The following NACC2 variants were observed in gnomAD, a reference collection of about 807,000 sequenced individuals.
NACC2 encodes NACC family member 2.
NACC2 carries 8 observed loss-of-function variants against 25.1 expected under a neutral mutation model. The ratio of observed to expected loss-of-function variants is 0.32; its 90% confidence interval spans 0.19 to 0.57. The LOEUF is 0.57. Ranked by LOEUF, NACC2 falls within the 20% of genes least tolerant of loss-of-function variation. The pLI is 0.89. For missense variants in NACC2, 644 were observed against 650.2 expected (o/e 0.99, Z 0.10); for synonymous variants, 435 against 294.7 (o/e 1.48, Z -4.88).
intron 1 of NACC2, among the ~76,000 whole-genome samples, chr9:136,062,177 A>AGGACAGGACAGGAC (rs1564235430): frequency 2.2e-5 from 3 of 137,008 alleles, no homozygotes; most frequent in Non-Finnish European, 4.6e-5. Context: ...CAGGACAGGA[A>AGGACAGGACAGGAC]AGGAAAGAGA....
chr9:136,046,557 T>A (rs894359922), intron 2 of NACC2, among the ~76,000 whole-genome samples: 4 of 152,278 alleles, frequency 2.6e-5, no homozygotes, highest in Admixed American at 2.6e-4. Flanking sequence ...CGAGCCAGCG[T>A]CCACCTGATG....
chr9:136,075,280 G>A (rs901126566), intron 1 of NACC2, among the ~76,000 whole-genome samples: 4 of 152,226 alleles, frequency 2.6e-5, no homozygotes, highest in Admixed American at 6.5e-5. Flanking sequence ...GGCACTGACC[G>A]GGATGAGGGA....
intron 1 of NACC2, among the ~76,000 whole-genome samples, chr9:136,061,996 T>C (rs1002995324): frequency 6.6e-6 from 1 of 152,064 alleles, no homozygotes; most frequent in African/African-American, 2.4e-5. Flanking sequence ...GGTGTGCACC[T>C]GTAATCCCAG....
At chr9:136,027,793 A>G (rs1430080991) in intron 2 of NACC2, among the ~76,000 whole-genome samples, 1 of 152,210 alleles carries the variant, frequency 6.6e-6, no homozygotes, top group Non-Finnish European at 1.5e-5. Flanking sequence ...GATCTCTCTC[A>G]AAAACTAGGA....
chr9:136,029,886 G>A (rs532867941), intron 2 of NACC2, among the ~76,000 whole-genome samples: 4 of 152,270 alleles, frequency 2.6e-5, no homozygotes, highest in South Asian at 2.1e-4. Context: ...GATCCGGGCC[G>A]GTAGTGCAAA....
chr9:136,047,150 G>A (rs1424253051), intron 2 of NACC2, among the ~76,000 whole-genome samples: 1 of 152,120 alleles, frequency 6.6e-6, no homozygotes, highest in Non-Finnish European at 1.5e-5. Context: ...ACTCCTGCAC[G>A]GCCTGGCGAG....
intron 1 of NACC2, among the ~76,000 whole-genome samples, chr9:136,079,702 T>C (rs749103915): frequency 2.0e-5 from 3 of 152,212 alleles, no homozygotes; most frequent in Non-Finnish European, 2.9e-5. Context: ...ACCAGAGCCC[T>C]GGAGCGTGGC....
rs562900699 is a variant in NACC2, at chr9:136,070,490, G to A, written c.-59-19910C>T. On this transcript the variant is annotated intron_variant, in intron 1 of 5. Transcript: ENST00000277554. The stretch of plus-strand genomic sequence containing the variant: ...CCACTGCACTCCAGCCTGGGCGACA[G>A]AGCGAGACTCGTCTCAAAAAAGAAA... 2.0e-5 allele frequency among the ~76,000 whole-genome samples: 3 copies of A among 151,918 alleles called. No individual in the cohort carries two copies. The East Asian group carries it at 5.8e-4, about 29-fold the overall frequency.
At chr9:136,066,147 C>T (rs984931681) in intron 1 of NACC2, among the ~76,000 whole-genome samples, 6 of 147,796 alleles carry the variant, frequency 4.1e-5, no homozygotes, top group Admixed American at 1.4e-4. Flanking sequence ...GAGCCACAAA[C>T]GTGCCACTGC....
intron 1 of NACC2, among the ~76,000 whole-genome samples, chr9:136,089,612 A>G (rs1378336206): frequency 6.6e-6 from 1 of 151,614 alleles, no homozygotes; most frequent in Non-Finnish European, 1.5e-5. Context: ...ATGTACCTCT[A>G]CACCACTTGG....
chr9:136,086,720 C>T lies in NACC2; in HGVS notation c.-60+8469G>A, dbSNP rs1830382315. Among the ~76,000 whole-genome samples, 3 of 152,212 alleles carry T rather than the reference C, an allele frequency of 2.0e-5. No homozygotes were observed. The South Asian group carries it at 6.2e-4, about 31-fold the overall frequency. The stretch of plus-strand genomic sequence containing the variant: ...TAGGAAAACCCTCCCCGACCAGTGG[C>T]CCCGTTTCCCTCCCACGACCCCCGC... On this transcript the variant is annotated intron_variant, in intron 1 of 5. Transcript: ENST00000277554. This position sits in a 1 kb window ranked among gnomAD's most constrained non-coding sequence, Gnocchi z 5.6.
At chr9:136,054,861 C>T (rs1415859256) in intron 1 of NACC2, among the ~76,000 whole-genome samples, 2 of 152,170 alleles carry the variant, frequency 1.3e-5, no homozygotes, top group Non-Finnish European at 2.9e-5. Context: ...GTGGCACCAA[C>T]GACCCTTGCT....
At chr9:136,033,648 C>CAAAAAA (rs558163152) in intron 2 of NACC2, among the ~76,000 whole-genome samples, 2 of 71,190 alleles carry the variant, frequency 2.8e-5, no homozygotes, top group Admixed American at 1.7e-4. Flanking sequence ...GACTCTGTCT[C>CAAAAAA]AAAAAAAAAA....
At chr9:136,071,231 C>T (rs981111571) in intron 1 of NACC2, among the ~76,000 whole-genome samples, 2 of 150,544 alleles carry the variant, frequency 1.3e-5, no homozygotes, top group Non-Finnish European at 2.9e-5. Context: ...AGCAAGACTA[C>T]GTCTCAAAAA....
chr9:136,015,168 A>C (rs1192317902), intron 3 of NACC2, among the ~76,000 whole-genome samples: 1 of 152,010 alleles, frequency 6.6e-6, no homozygotes, highest in African/African-American at 2.4e-5. Flanking sequence ...TCAGCCCCAC[A>C]CCCCAAACAG....
At chr9:136,066,670 C>A (rs1006889028) in intron 1 of NACC2, among the ~76,000 whole-genome samples, 3 of 152,168 alleles carry the variant, frequency 2.0e-5, no homozygotes, top group Non-Finnish European at 4.4e-5. Context: ...TGCATCCACA[C>A]GCAAACTTGT....
intron 2 of NACC2, among the ~76,000 whole-genome samples, chr9:136,049,243 ACT>A (rs1352422628): frequency 6.6e-6 from 1 of 151,910 alleles, no homozygotes; most frequent in Non-Finnish European, 1.5e-5. Flanking sequence ...GGTTCAGGGG[ACT>A]CTCTAGACCT....
intron 2 of NACC2, among the ~76,000 whole-genome samples, chr9:136,039,532 T>C (rs991901361): frequency 1.3e-4 from 20 of 152,262 alleles, no homozygotes; most frequent in Non-Finnish European, 2.2e-4. Flanking sequence ...AGAGGAAAAT[T>C]ACAGATCAAT....
intron 2 of NACC2, among the ~76,000 whole-genome samples, chr9:136,048,314 G>A (rs1453630687): frequency 6.6e-6 from 1 of 152,160 alleles, no homozygotes; most frequent in East Asian, 1.9e-4. Flanking sequence ...CACATGGGGC[G>A]GATTCCCCGG....
Sources: gnomAD v4.1 joint callset for allele counts (sites outside exome capture counted in the v4.1 genomes callset) on GRCh38, gnomAD v4.1.1 for gene constraint, Gnocchi (gnomAD v3.1) non-coding constraint, MANE v1.5 for transcripts, NCBI Gene and HGNC (gene_info 2026-07-23, HGNC 2026-07-21) for gene names.